Variants in GRID2 observed in about 807,000 individuals in gnomAD.
GRID2 encodes glutamate ionotropic receptor delta type subunit 2.
A neutral mutation model predicts 114.8 loss-of-function variants in GRID2; 33 were observed. The observed-to-expected ratio is 0.29, with a 90% CI of 0.22 to 0.38. GRID2 has a LOEUF of 0.38. Ranked by LOEUF, GRID2 falls within the 10% of genes least tolerant of loss-of-function variation. The probability of loss-of-function intolerance (pLI) is 1.00; values close to 1 mark genes in which losing one functional copy is unlikely to be tolerated. For missense variants in GRID2, 1,184 were observed against 1,257.7 expected, an observed-to-expected ratio of 0.94 and a Z score of 0.89; for synonymous variants, 505 against 449.9, an observed-to-expected ratio of 1.12 and a Z score of -1.55.
chr4:93,715,559 A>G (rs1464263965), intron 14 of GRID2, among the ~76,000 whole-genome samples: 1 of 152,202 alleles, frequency 6.6e-6, no homozygotes, highest in Non-Finnish European at 1.5e-5. Flanking sequence ...CTTCCTATCC[A>G]TAAGCATGGA....
Position 93,017,524 on chromosome 4 carries a change from A to G in GRID2, c.245-67471A>G, listed in dbSNP as rs1722863827. ...TCTCCGTACTTCACCTGAGTTCTAT[A>G]TATATATGGCCACGCGCAGTGGCTC... On this transcript the variant is annotated intron_variant, in intron 2 of 15. Transcript: ENST00000282020. Among the ~76,000 whole-genome samples the G allele has an allele frequency of 2.6e-5, 4 of 151,984 alleles. No individual in the cohort carries two copies. The South Asian group carries it at 8.3e-4, about 31-fold the overall frequency.
chr4:92,517,578 A>G (rs1487088429), intron 1 of GRID2, among the ~76,000 whole-genome samples: 1 of 151,938 alleles, frequency 6.6e-6, no homozygotes, highest in Non-Finnish European at 1.5e-5. Context: ...TTTAACGTAT[A>G]TGAACAAGGT....
At chr4:92,713,502 T>TATATATAC (rs1735375696) in intron 2 of GRID2, among the ~76,000 whole-genome samples, 1 of 131,756 alleles carries the variant, frequency 7.6e-6, no homozygotes, top group South Asian at 2.4e-4. Flanking sequence ...TATATATATA[T>TATATATAC]ATATATATAT....
intron 2 of GRID2, among the ~76,000 whole-genome samples, chr4:92,803,264 A>T (rs1433251646): frequency 6.6e-6 from 1 of 151,948 alleles, no homozygotes; most frequent in Non-Finnish European, 1.5e-5. Flanking sequence ...AAGGAATTCA[A>T]TATCCCTTTG....
intron 1 of GRID2, among the ~76,000 whole-genome samples, chr4:92,511,983 A>C (rs1396623132): frequency 1.3e-5 from 2 of 151,560 alleles, no homozygotes; most frequent in African/African-American, 4.8e-5. Context: ...CCATCCCCTC[A>C]ACTCCTGACA....
intron 8 of GRID2, among the ~76,000 whole-genome samples, chr4:93,365,312 C>A (rs893671917): frequency 6.6e-6 from 1 of 152,154 alleles, no homozygotes. Flanking sequence ...TTTGCCTCCT[C>A]TACAATCCAT....
At chr4:92,423,092 T>C (rs537636680) in intron 1 of GRID2, among the ~76,000 whole-genome samples, 7 of 152,020 alleles carry the variant, frequency 4.6e-5, no homozygotes, top group African/African-American at 1.4e-4. Context: ...TTGTAGAGAG[T>C]AGATTCTAGC....
chr4:93,266,872 G>A (rs1425105735), intron 8 of GRID2, among the ~76,000 whole-genome samples: 1 of 152,126 alleles, frequency 6.6e-6, no homozygotes, highest in Admixed American at 6.5e-5. Flanking sequence ...GGCATAGAAA[G>A]ATTACAAATA....
At chr4:92,360,010 A>G (rs1728537116) in intron 1 of GRID2, among the ~76,000 whole-genome samples, 1 of 151,952 alleles carries the variant, frequency 6.6e-6, no homozygotes, top group Non-Finnish European at 1.5e-5. Flanking sequence ...ACTACCTTTA[A>G]TGGTTTGGTT....
At chr4:93,566,828 A>T (rs953037490) in intron 13 of GRID2, among the ~76,000 whole-genome samples, 13 of 152,122 alleles carry the variant, frequency 8.5e-5, no homozygotes, top group African/African-American at 3.1e-4. Flanking sequence ...ACAAAGAATG[A>T]ATTTTTTTAT....
chr4:93,592,792 A>T (rs1738537369), intron 13 of GRID2, among the ~76,000 whole-genome samples: 1 of 152,146 alleles, frequency 6.6e-6, no homozygotes, highest in African/African-American at 2.4e-5. Flanking sequence ...TGTTGAATTG[A>T]TGCCTTTACC....
At chr4:93,491,652 A>G (rs1264788796) in intron 12 of GRID2, among the ~76,000 whole-genome samples, 1 of 151,906 alleles carries the variant, frequency 6.6e-6, no homozygotes, top group African/African-American at 2.4e-5. Flanking sequence ...TCATTTCCCA[A>G]AAAGCTGACA....
At chr4:93,698,642 G>T (rs1727248152) in intron 14 of GRID2, among the ~76,000 whole-genome samples, 1 of 151,946 alleles carries the variant, frequency 6.6e-6, no homozygotes, top group Non-Finnish European at 1.5e-5. Flanking sequence ...ATAAAGTGTT[G>T]CAATGTTAAA....
intron 1 of GRID2, among the ~76,000 whole-genome samples, chr4:92,549,650 A>AT (rs996618946): frequency 1.3e-5 from 2 of 152,164 alleles, no homozygotes; most frequent in African/African-American, 4.8e-5. Flanking sequence ...ATTTTAAGGC[A>AT]TTTTTTGGTA....
chr4:92,441,819 G>A lies in GRID2; in HGVS notation c.88+137075G>A, dbSNP rs572253899. The stretch of plus-strand genomic sequence containing the variant: ...ATCTTATACTTGTGGGTTAAGGTGG[G>A]GGGATACAAGAGGAGGACGCAAAGG... On this transcript the variant is annotated intron_variant, in intron 1 of 15. Transcript: ENST00000282020. Among the ~76,000 whole-genome samples, 584 of 152,106 alleles carry A rather than the reference G, an allele frequency of 3.8e-3. 5 individuals are homozygous for A. The highest frequency in any genetic ancestry group is 0.013 in the African/African-American group (549 of 41,464).
chr4:93,515,548 G>T, intron 13 of GRID2, 137 bp downstream of exon 13: 3 of 602,152 alleles, frequency 5.0e-6, no homozygotes, highest in Non-Finnish European at 8.9e-6. Flanking sequence ...CTGTTACAAT[G>T]CATCTTATAT....
chr4:92,753,172 A>C, intron 2 of GRID2, among the ~76,000 whole-genome samples: 1 of 152,290 alleles, frequency 6.6e-6, no homozygotes, highest in East Asian at 1.9e-4. Context: ...TGAAACCAAT[A>C]AATATCACCA....
intron 2 of GRID2, among the ~76,000 whole-genome samples, chr4:92,637,413 G>A (rs1417188217): frequency 6.6e-6 from 1 of 152,008 alleles, no homozygotes; most frequent in East Asian, 1.9e-4. Context: ...TTGGCATAAT[G>A]AAACACAATG....
chr4:93,116,910 G>A (rs1733322807), intron 4 of GRID2, among the ~76,000 whole-genome samples: 2 of 151,842 alleles, frequency 1.3e-5, no homozygotes, highest in African/African-American at 2.4e-5. Flanking sequence ...AGGCTGGCAG[G>A]GACCAAACTC....
Sources: gnomAD v4.1 joint callset for allele counts (sites outside exome capture counted in the v4.1 genomes callset) on GRCh38, gnomAD v4.1.1 for gene constraint, MANE v1.5 for transcripts, NCBI Gene and HGNC (gene_info 2026-07-23, HGNC 2026-07-21) for gene names.